The following NRG2 variants were observed in gnomAD, a reference collection of about 807,000 sequenced individuals.
NRG2 encodes neuregulin 2.
In NRG2, 27 loss-of-function variants were observed where a neutral mutation model predicts 73.9. The observed-to-expected ratio is 0.37, with a 90% confidence interval of 0.27 to 0.50. The LOEUF (loss-of-function observed/expected upper bound fraction) is 0.50. Among genes scored for constraint, NRG2 ranks in the 20% least tolerant of loss-of-function variants. NRG2 has a pLI of 0.96. For missense variants in NRG2, 1,126 were observed against 1,210.1 expected (o/e 0.93, Z 1.03); for synonymous variants, 532 against 541.0 (o/e 0.98, Z 0.23).
chr5:139,924,821 C>T lies in NRG2; in HGVS notation c.701-37310G>A, dbSNP rs190732638. Among the ~76,000 whole-genome samples the T allele has an allele frequency of 5.1e-4, 77 of 152,332 alleles. No homozygotes were observed. In the South Asian group the frequency reaches 0.011, roughly 22 times the overall value. On this transcript the variant is annotated intron_variant, in intron 1 of 9. Coordinates refer to ENST00000361474, the MANE Select transcript of NRG2 (RefSeq NM_004883.3). ...CCGGGGCCTCGCTGAGGTCTCTTCG[C>T]TGCTACTTCTGGGACAAAGACCACT...
intron 5 of NRG2, among the ~76,000 whole-genome samples, chr5:139,857,574 A>T (rs1171281221): frequency 6.6e-6 from 1 of 151,920 alleles, no homozygotes; most frequent in African/African-American, 2.4e-5. Flanking sequence ...TTCCTATTGC[A>T]GTCATCTGTG....
At chr5:139,858,164 G>A (rs1012171636) in intron 5 of NRG2, among the ~76,000 whole-genome samples, 3 of 152,166 alleles carry the variant, frequency 2.0e-5, no homozygotes, top group African/African-American at 7.2e-5. Context: ...CGGCTGCTTG[G>A]TCCCAGCCTT....
At chr5:139,938,996 AG>A (rs1340678970) in intron 1 of NRG2, among the ~76,000 whole-genome samples, 2 of 150,070 alleles carry the variant, frequency 1.3e-5, no homozygotes, top group Admixed American at 1.3e-4. Flanking sequence ...AAAGGAAGGA[AG>A]CAAGGAAGGA....
intron 1 of NRG2, among the ~76,000 whole-genome samples, chr5:140,037,230 A>G (rs920927989): frequency 6.6e-6 from 1 of 152,208 alleles, no homozygotes; most frequent in Admixed American, 6.5e-5. Context: ...CTCTACTGTG[A>G]GATCACCAAG....
intron 1 of NRG2, among the ~76,000 whole-genome samples, chr5:140,024,928 T>G (rs1426292416): frequency 2.0e-5 from 3 of 152,184 alleles, no homozygotes; most frequent in African/African-American, 7.2e-5. Context: ...GCCACTTACC[T>G]AACAGGCTCA....
intron 1 of NRG2, among the ~76,000 whole-genome samples, chr5:139,945,165 G>C (rs77044984): frequency 0.013 from 1,909 of 152,168 alleles, 28 homozygotes; most frequent in African/African-American, 0.043. Context: ...TTCCCTATTA[G>C]ATCAGTAGTT....
intron 5 of NRG2, 62 bp from the exon 6 acceptor site, chr5:139,855,840 G>T: frequency 7.6e-7 from 1 of 1,324,268 alleles, no homozygotes; most frequent in Non-Finnish European, 1.1e-6. Flanking sequence ...GGATAGTGGT[G>T]CAGAGACCCC....
In NRG2 at chr5:139,848,467, G is replaced by A. The variant is rs1761168038; in HGVS notation, c.2003C>T (p.Ala668Val). Reference sequence around the variant, plus strand: ...GCTGTCATAGCTGCGCTGCATGTCTGCGCCGGGCCCGGGCCCGGGCCCGGG... The same window carrying A: ...GCTGTCATAGCTGCGCTGCATGTCTACGCCGGGCCCGGGCCCGGGCCCGGG... ...PGPGPGPGPG[A>V]DMQRSYDSYY... The change falls in exon 10 of 10, where the codon GCA (alanine) becomes GTA (valine). Residue 668 changes from alanine to valine, a missense_variant. Ala to Val is a moderately conservative substitution (Grantham distance 64). Coordinates refer to ENST00000361474, the MANE Select transcript of NRG2 (RefSeq NM_004883.3). 7.5e-7 allele frequency: 1 copy of A among 1,338,756 alleles called. No individual in the cohort carries two copies. The highest frequency in any genetic ancestry group is 9.4e-7 in the Non-Finnish European group (1 of 1,058,982). 82.9% of individuals were successfully genotyped at this position (1,338,756 alleles called of 1,614,324 possible). A position where few individuals can be genotyped will look rare whatever the true frequency, so the allele number is the denominator to read the frequency against.
chr5:139,997,641 T>C (rs1406604810), intron 1 of NRG2, among the ~76,000 whole-genome samples: 1 of 152,122 alleles, frequency 6.6e-6, no homozygotes, highest in Non-Finnish European at 1.5e-5. Context: ...ATCTGGCAAA[T>C]AGCAGAAATA....
intron 1 of NRG2, among the ~76,000 whole-genome samples, chr5:139,909,287 A>C (rs1440451182): frequency 6.6e-6 from 1 of 152,210 alleles, no homozygotes; most frequent in African/African-American, 2.4e-5. Flanking sequence ...GTCATGTGCA[A>C]AAATGCCTTT....
At chr5:139,992,258 G>A (rs888145994) in intron 1 of NRG2, among the ~76,000 whole-genome samples, 1 of 152,052 alleles carries the variant, frequency 6.6e-6, no homozygotes, top group East Asian at 1.9e-4. Flanking sequence ...TTTTAAATGC[G>A]TCTGCTCTTT....
chr5:139,896,660 G>A (rs1018090563), intron 1 of NRG2, among the ~76,000 whole-genome samples: 7 of 152,106 alleles, frequency 4.6e-5, no homozygotes, highest in African/African-American at 1.7e-4. Context: ...TCCTCTTTCA[G>A]TCACTTTATC....
Position 139,847,851 on chromosome 5 carries a change from G to T in NRG2, c.*66C>A. 1 of 923,182 alleles carries T rather than the reference G, an allele frequency of 1.1e-6. No homozygotes were observed. Among genetic ancestry groups the T allele is most frequent in the Non-Finnish European group, 1.5e-6 (1 of 687,638 alleles). 57.2% of individuals were successfully genotyped at this position (923,182 alleles called of 1,614,324 possible). On this transcript the variant is annotated 3_prime_UTR_variant, in exon 10 of 10. Coordinates refer to ENST00000361474, the MANE Select transcript of NRG2 (RefSeq NM_004883.3). ...TTTCTTTTTTCCTCCTTTCTCTCCA[G>T]TAGGCGGTCTCTGGTCTCCTTAAAG...
At chr5:139,994,966 T>A (rs1757918406) in intron 1 of NRG2, among the ~76,000 whole-genome samples, 1 of 152,074 alleles carries the variant, frequency 6.6e-6, no homozygotes, top group African/African-American at 2.4e-5. Context: ...TGGGTCAAAA[T>A]GTGAAAGGCC....
intron 1 of NRG2, among the ~76,000 whole-genome samples, chr5:139,949,995 T>C (rs760728338): frequency 6.6e-6 from 1 of 152,212 alleles, no homozygotes; most frequent in Non-Finnish European, 1.5e-5. Flanking sequence ...GGGAATGGCA[T>C]GTGTGTGACA....
intron 1 of NRG2, among the ~76,000 whole-genome samples, chr5:139,939,180 G>A (rs1331762163): frequency 6.6e-6 from 1 of 151,654 alleles, no homozygotes; most frequent in Non-Finnish European, 1.5e-5. Context: ...AATTCTTAAT[G>A]ACCTTGGGTT....
At chr5:140,032,960 A>G (rs904213072) in intron 1 of NRG2, among the ~76,000 whole-genome samples, 2 of 152,216 alleles carry the variant, frequency 1.3e-5, no homozygotes, top group African/African-American at 4.8e-5. Flanking sequence ...ATTAAATGAG[A>G]TCATGCATGT....
chr5:139,999,765 A>G (rs1412744844), intron 1 of NRG2, among the ~76,000 whole-genome samples: 1 of 152,204 alleles, frequency 6.6e-6, no homozygotes, highest in Non-Finnish European at 1.5e-5. Context: ...GGAGAATGAC[A>G]GGAGGGAAAT....
At chr5:139,937,487 T>C (rs1472595043) in intron 1 of NRG2, among the ~76,000 whole-genome samples, 1 of 152,038 alleles carries the variant, frequency 6.6e-6, no homozygotes, top group African/African-American at 2.4e-5. Flanking sequence ...AAAAAAGACA[T>C]ACAGATTGGA....
Sources: allele counts gnomAD v4.1 joint callset (sites outside exome capture counted in the v4.1 genomes callset), GRCh38; gene constraint gnomAD v4.1.1; transcripts MANE v1.5; gene names NCBI Gene and HGNC (gene_info 2026-07-23, HGNC 2026-07-21).